VAMP7: variants seen among roughly 807,000 people sequenced by gnomAD.
VAMP7 encodes the protein vesicle-associated membrane protein 7.
VAMP7 carries 14 observed loss-of-function variants against 29.6 expected under a neutral mutation model. That is an observed-to-expected ratio of 0.47 (90% CI 0.31 to 0.74). The LOEUF is 0.74. Among genes scored for constraint, VAMP7 ranks in the 30% least tolerant of loss-of-function variants. VAMP7 has a pLI of 0.05. For missense variants in VAMP7, 223 were observed against 262.4 expected, an observed-to-expected ratio of 0.85 and a Z score of 1.04; for synonymous variants, 95 against 88.1, an observed-to-expected ratio of 1.08 and a Z score of -0.44.
chrX:155,924,034 T>C (rs1329339529), intron 6 of VAMP7, among the ~76,000 whole-genome samples: 1 of 152,194 alleles, frequency 6.6e-6, no homozygotes, highest in Non-Finnish European at 1.5e-5. Context: ...AAGTGCTTAT[T>C]CCACTTACAT....
chrX:155,892,644 C>T (rs2065938561), intron 2 of VAMP7, among the ~76,000 whole-genome samples: 1 of 151,950 alleles, frequency 6.6e-6, no homozygotes, highest in African/African-American at 2.4e-5. Flanking sequence ...TCCAGAAACC[C>T]CTGAACATTA....
At chrX:155,933,170 G>T (rs937004015) in intron 6 of VAMP7, among the ~76,000 whole-genome samples, 404 of 152,062 alleles carry the variant, frequency 2.7e-3, no homozygotes, top group African/African-American at 9.2e-3. Flanking sequence ...TTCTCTTTTT[G>T]TGTTGTGTCT....
At chrX:155,907,690 G>T (rs1160332707) in intron 5 of VAMP7, among the ~76,000 whole-genome samples, 1 of 152,044 alleles carries the variant, frequency 6.6e-6, no homozygotes, top group Non-Finnish European at 1.5e-5. Flanking sequence ...CACAGACACA[G>T]CAACCATCCG....
At chrX:155,891,003 A>T (rs767549553) in intron 2 of VAMP7, among the ~76,000 whole-genome samples, 3 of 152,136 alleles carry the variant, frequency 2.0e-5, no homozygotes, top group Non-Finnish European at 2.9e-5. Context: ...TCCCAAAGCA[A>T]TTAGTGCTTT....
At chrX:155,882,440 C>T (rs2065813828) in intron 1 of VAMP7, among the ~76,000 whole-genome samples, 1 of 152,152 alleles carries the variant, frequency 6.6e-6, no homozygotes, top group African/African-American at 2.4e-5. Context: ...GTCAGGGCAT[C>T]GTCCAGAAAG....
At chrX:155,927,908 G>T (rs754032049) in intron 6 of VAMP7, among the ~76,000 whole-genome samples, 6 of 151,542 alleles carry the variant, frequency 4.0e-5, no homozygotes, top group Non-Finnish European at 8.8e-5. Flanking sequence ...TTTTGTTGTT[G>T]TTGTTGTTGT....
chrX:155,928,342 A>G (rs1056929083), intron 6 of VAMP7, among the ~76,000 whole-genome samples: 7 of 152,208 alleles, frequency 4.6e-5, no homozygotes, highest in Admixed American at 6.5e-5. Flanking sequence ...TAAAACAACA[A>G]AAATTTATTT....
chrX:155,883,850 A>G (rs1055276107), intron 1 of VAMP7, among the ~76,000 whole-genome samples: 21 of 151,598 alleles, frequency 1.4e-4, no homozygotes, highest in Non-Finnish European at 3.1e-4. Context: ...AGCTGGGATT[A>G]CAGGTGCACA....
intron 6 of VAMP7, among the ~76,000 whole-genome samples, chrX:155,939,285 T>C (rs1045493794): frequency 2.0e-5 from 3 of 152,156 alleles, no homozygotes; most frequent in African/African-American, 7.2e-5. Flanking sequence ...ATACATATCT[T>C]CCTACAGAAA....
intron 6 of VAMP7, among the ~76,000 whole-genome samples, chrX:155,934,925 G>T (rs1373488918): frequency 1.3e-5 from 2 of 152,094 alleles, no homozygotes; most frequent in Non-Finnish European, 2.9e-5. Context: ...GCATTTGCTT[G>T]TCTGTAAAGG....
intron 6 of VAMP7, among the ~76,000 whole-genome samples, chrX:155,933,330 T>A (rs1287371780): frequency 1.1e-4 from 16 of 152,188 alleles, no homozygotes; most frequent in Admixed American, 3.3e-4. Context: ...ATCCATCTGG[T>A]CCTGGACTTT....
At position 155,932,406 on chromosome X, in the gene VAMP7, C is replaced by T. The variant is rs774375412; in HGVS notation, c.502-7295C>T. Among the ~76,000 whole-genome samples the T allele has an allele frequency of 2.0e-3, 308 of 152,244 alleles. 1 individual carries two copies. Among genetic ancestry groups the T allele is most frequent in the Non-Finnish European group, 3.4e-3 (230 of 68,022 alleles). ...CGCTGAACAGTAGTTTGTAGTTCTCCTTGAAGAGGTCCTTCACATCCCTTG... is the reference window on the plus strand; with the variant it reads ...CGCTGAACAGTAGTTTGTAGTTCTCTTTGAAGAGGTCCTTCACATCCCTTG... On this transcript the variant is annotated intron_variant, in intron 6 of 7. Transcript: ENST00000286448.
chrX:155,936,422 C>T (rs1339966533), intron 6 of VAMP7, among the ~76,000 whole-genome samples: 1 of 152,218 alleles, frequency 6.6e-6, no homozygotes, highest in Non-Finnish European at 1.5e-5. Flanking sequence ...TCCAGCCTCG[C>T]TGCCACCTTG....
chrX:155,901,731 ATC>A (rs1364213178), intron 5 of VAMP7, among the ~76,000 whole-genome samples: 1 of 152,076 alleles, frequency 6.6e-6, no homozygotes, highest in African/African-American at 2.4e-5. Flanking sequence ...ATTGATCTAT[ATC>A]TCTGTTTTGG....
rs772345066 is a variant in VAMP7 at position 155,919,818 on chromosome X, G to A, written c.439G>A (p.Val147Ile). The A allele has an allele frequency of 3.1e-6, 5 of 1,612,434 alleles. No individual in the cohort carries two copies. The change falls in exon 6 of 8, where the codon GTA (valine) becomes ATA (isoleucine). Residue 147 changes from valine to isoleucine, a missense_variant. Transcript: ENST00000286448. ...KGIMVRNIDLVAQRGERLELL... is the reference protein window; with the variant it reads ...KGIMVRNIDLIAQRGERLELL... Reference sequence around the variant, plus strand: ...TACTTTTCCAATATTTTCAGATCTGGTAGCTCAGCGAGGAGAAAGATTGGA... The same window carrying A: ...TACTTTTCCAATATTTTCAGATCTGATAGCTCAGCGAGGAGAAAGATTGGA...
chrX:155,927,567 G>GT (rs35111229), intron 6 of VAMP7, among the ~76,000 whole-genome samples: 150,266 of 150,304 alleles, frequency 1, 75,114 homozygotes, highest in Non-Finnish European at 1. Context: ...AATTCTTTCT[G>GT]TGTCCTTTAT....
At position 155,881,421 on chromosome X, in the gene VAMP7, C is replaced by T. The variant is rs2065799505; in HGVS notation, c.-37C>T. Reference sequence around the variant, plus strand: ...GACCCGCGTCCCTCCGTCCCGAGCCCGCGCGCCCTCAGAGGGTGCCCGGAC... The same window carrying T: ...GACCCGCGTCCCTCCGTCCCGAGCCTGCGCGCCCTCAGAGGGTGCCCGGAC... On this transcript the variant is annotated 5_prime_UTR_variant, in exon 1 of 8. Transcript: ENST00000286448. 6.6e-6 allele frequency: 1 copy of T among 151,804 alleles called. No individual in the cohort carries two copies. The highest frequency in any genetic ancestry group is 1.5e-5 in the Non-Finnish European group (1 of 68,072). 9.4% of individuals were successfully genotyped at this position (151,804 alleles called of 1,614,324 possible).
At chrX:155,902,151 A>C (rs967251019) in intron 5 of VAMP7, among the ~76,000 whole-genome samples, 2 of 152,090 alleles carry the variant, frequency 1.3e-5, no homozygotes, top group African/African-American at 4.8e-5. Context: ...ATGGGAGTTC[A>C]CTCATGATTT....
At chrX:155,907,700 G>T (rs894718772) in intron 5 of VAMP7, among the ~76,000 whole-genome samples, 1 of 150,582 alleles carries the variant, frequency 6.6e-6, no homozygotes, top group Non-Finnish European at 1.5e-5. Context: ...GCAACCATCC[G>T]ATTTCTCAAT....
Sources: gnomAD v4.1 joint callset for allele counts (sites outside exome capture counted in the v4.1 genomes callset) on GRCh38, gnomAD v4.1.1 for gene constraint, MANE v1.5 for transcripts, NCBI Gene and HGNC (gene_info 2026-07-23, HGNC 2026-07-21) for gene names.